Variants in TDRD3 observed in about 807,000 individuals in gnomAD.
TDRD3 encodes tudor domain-containing protein 3.
TDRD3 carries 45 observed loss-of-function variants against 86.7 expected under a neutral mutation model. The ratio of observed to expected loss-of-function variants is 0.52; its 90% confidence interval spans 0.41 to 0.67. The LOEUF is 0.67. Ranked by LOEUF, TDRD3 falls within the 30% of genes least tolerant of loss-of-function variation. TDRD3 has a pLI of 0.00. For missense variants in TDRD3, 814 were observed against 889.0 expected (o/e 0.92, Z 1.07); for synonymous variants, 298 against 301.7 (o/e 0.99, Z 0.13).
intron 12 of TDRD3, among the ~76,000 whole-genome samples, chr13:60,556,459 A>G (rs1230720342): frequency 1.3e-5 from 2 of 152,226 alleles, no homozygotes; most frequent in Non-Finnish European, 2.9e-5. Flanking sequence ...GACTTTAACT[A>G]TACTTAAATT....
At chr13:60,569,594 C>T (rs550465708) in intron 13 of TDRD3, among the ~76,000 whole-genome samples, 1 of 152,002 alleles carries the variant, frequency 6.6e-6, no homozygotes, top group Non-Finnish European at 1.5e-5. Flanking sequence ...TATATGGAAC[C>T]ACAAAAGTCC....
intron 13 of TDRD3, among the ~76,000 whole-genome samples, chr13:60,567,924 A>G (rs550996792): frequency 2.0e-5 from 3 of 150,004 alleles, no homozygotes; most frequent in East Asian, 2.0e-4. Flanking sequence ...TTTAGTAGCA[A>G]TGGGGTTTCA....
intron 1 of TDRD3, among the ~76,000 whole-genome samples, chr13:60,415,636 A>G (rs1410406701): frequency 6.6e-6 from 1 of 152,196 alleles, no homozygotes; most frequent in Non-Finnish European, 1.5e-5. Context: ...TTTCTGTAAA[A>G]CATGATTAAT....
In TDRD3 at chr13:60,528,759, T is replaced by G. The variant is rs375646271; in HGVS notation, c.1534T>G (p.Ser512Ala). The change falls in exon 11 of 14, where the codon TCC (serine) becomes GCC (alanine). Residue 512 changes from serine to alanine, a missense_variant. Coordinates refer to ENST00000377881, the MANE Select transcript of TDRD3 (RefSeq NM_001146070.2). ...SMQSRSGKGP[S>A]FAEAKENPLP... is the part of the protein sequence containing the mutation. The stretch of plus-strand genomic sequence containing the variant: ...GCAAAGCAGATCAGGAAAAGGTCCC[T>G]CCTTTGCAGAGGCAAAAGAAAATCC... 12 of 1,613,326 alleles carry G rather than the reference T, an allele frequency of 7.4e-6. No individual in the cohort carries two copies.
At chr13:60,496,293 A>AAGT (rs1956713629) in intron 8 of TDRD3, among the ~76,000 whole-genome samples, 1 of 4,508 alleles carries the variant, frequency 2.2e-4, no homozygotes, top group East Asian at 4.2e-3. Flanking sequence ...ACTCCCATAT[A>AAGT]TATATATATA....
At chr13:60,440,541 C>T (rs143150885) in intron 2 of TDRD3, among the ~76,000 whole-genome samples, 1,696 of 151,978 alleles carry the variant, frequency 0.011, 39 homozygotes, top group African/African-American at 0.039. Context: ...ATTAGCTGGG[C>T]GTGGTAGTGT....
intron 4 of TDRD3, among the ~76,000 whole-genome samples, chr13:60,466,892 G>A (rs1955948036): frequency 6.6e-6 from 1 of 152,108 alleles, no homozygotes; most frequent in Admixed American, 6.6e-5. Flanking sequence ...TAGTTTTGGT[G>A]TTAGTGCATT....
chr13:60,512,943 TG>T (rs1187504177), intron 10 of TDRD3, among the ~76,000 whole-genome samples: 1 of 152,192 alleles, frequency 6.6e-6, no homozygotes, highest in African/African-American at 2.4e-5. Context: ...CAGTGCCCAG[TG>T]GTGAACTCTG....
Position 60,398,020 on chromosome 13 carries a change from G to A in TDRD3, c.41+615G>A, listed in dbSNP as rs150711017. On this transcript the variant is annotated intron_variant, in intron 1 of 13. Transcript: ENST00000377881. ...AGAATGACCGCAATGTCAACTCGTGGGGGTGCTCGGTAGAACTTTTCTTGA... is the reference window on the plus strand; with the variant it reads ...AGAATGACCGCAATGTCAACTCGTGAGGGTGCTCGGTAGAACTTTTCTTGA... 3.1e-3 allele frequency among the ~76,000 whole-genome samples: 469 copies of A among 152,328 alleles called. 2 individuals carry two copies. Among genetic ancestry groups the A allele is most frequent in the African/African-American group, 0.011 (444 of 41,578 alleles).
chr13:60,498,649 C>T (rs904770256), intron 8 of TDRD3, among the ~76,000 whole-genome samples: 3 of 152,086 alleles, frequency 2.0e-5, no homozygotes, highest in African/African-American at 7.2e-5. Flanking sequence ...ACCCAGAATC[C>T]CTTGAATGAA....
chr13:60,405,160 G>T (rs2137806726), intron 1 of TDRD3, among the ~76,000 whole-genome samples: 1 of 152,194 alleles, frequency 6.6e-6, no homozygotes, highest in African/African-American at 2.4e-5. Flanking sequence ...TTAGAGACAG[G>T]GTTTCACCAT....
intron 7 of TDRD3, among the ~76,000 whole-genome samples, chr13:60,486,224 T>A (rs745331760): frequency 2.0e-5 from 3 of 152,112 alleles, no homozygotes; most frequent in Non-Finnish European, 4.4e-5. Context: ...TTATACAATG[T>A]AGTAACTGAA....
chr13:60,492,987 C>T (rs1342675575), intron 7 of TDRD3, among the ~76,000 whole-genome samples: 1 of 137,318 alleles, frequency 7.3e-6, no homozygotes, highest in Non-Finnish European at 1.5e-5. Context: ...GGCGCGATCT[C>T]GGCTCACTGC....
chr13:60,444,715 C>T lies in TDRD3; in HGVS notation c.159C>T (p.Leu53=), dbSNP rs746076570. The T allele has an allele frequency of 1.3e-6, 2 of 1,483,534 alleles. No individual in the cohort carries two copies. The highest frequency in any genetic ancestry group is 1.4e-5 in the African/African-American group (1 of 70,460). 91.9% of individuals were successfully genotyped at this position (1,483,534 alleles called of 1,614,324 possible). A position where few individuals can be genotyped will look rare whatever the true frequency, so the allele number is the denominator to read the frequency against. Residue 53 remains leucine, a synonymous_variant, in exon 3 of 14, where the codon CTC becomes CTT. Transcript: ENST00000377881. ...TGAGAACAATTGGCAAGAAATTCCT[C>T]CCCAGTGACATCAATAGTGGAAAGG... is the stretch of plus-strand genomic sequence containing the variant. ...TDLRTIGKKF[L]PSDINSGKVE... is the part of the protein sequence containing the mutation.
At chr13:60,539,389 A>T (rs1389113482) in intron 12 of TDRD3, among the ~76,000 whole-genome samples, 1 of 152,096 alleles carries the variant, frequency 6.6e-6, no homozygotes, top group East Asian at 1.9e-4. Context: ...AAATATGAGT[A>T]GAGAAAATCT....
chr13:60,483,644 C>T (rs7322888), intron 5 of TDRD3, 131 bp from the exon 6 acceptor site: 331,173 of 707,310 alleles, frequency 0.47, 80,416 homozygotes, highest in South Asian at 0.55. Flanking sequence ...TGAAATACTT[C>T]ATGGAAGGCC....
chr13:60,538,420 T>A (rs1237303510), intron 12 of TDRD3, among the ~76,000 whole-genome samples: 2 of 151,668 alleles, frequency 1.3e-5, no homozygotes. Context: ...GTATTCTATC[T>A]TAATTTGATG....
chr13:60,565,222 AT>A (rs1193630418), intron 12 of TDRD3, among the ~76,000 whole-genome samples: 1 of 149,694 alleles, frequency 6.7e-6, no homozygotes, highest in African/African-American at 2.5e-5. Context: ...CGCCCGGCTA[AT>A]TTTTTGTATT....
At chr13:60,471,755 T>G (rs1594978132) in intron 5 of TDRD3, among the ~76,000 whole-genome samples, 1 of 152,192 alleles carries the variant, frequency 6.6e-6, no homozygotes, top group African/African-American at 2.4e-5. Context: ...CTAACAGTTT[T>G]TTTTTCTTTT....
Sources: gnomAD v4.1 joint callset for allele counts (sites outside exome capture counted in the v4.1 genomes callset) on GRCh38, gnomAD v4.1.1 for gene constraint, MANE v1.5 for transcripts, NCBI Gene and HGNC (gene_info 2026-07-23, HGNC 2026-07-21) for gene names.